The following EIF2S3 variants were observed in gnomAD, a reference collection of about 807,000 sequenced individuals.
The protein encoded by EIF2S3 is eukaryotic translation initiation factor 2 subunit 3.
EIF2S3 carries 2 observed loss-of-function variants against 31.7 expected under a neutral mutation model. That is an observed-to-expected ratio of 0.06 (90% CI 0.03 to 0.20). The LOEUF (loss-of-function observed/expected upper bound fraction) is 0.20. Among genes scored for constraint, EIF2S3 ranks in the 10% least tolerant of loss-of-function variants. The pLI is 1.00. For synonymous variants in EIF2S3, 120 were observed against 126.7 expected, an observed-to-expected ratio of 0.95 and a Z score of 0.36; for missense variants, 96 against 359.3, an observed-to-expected ratio of 0.27 and a Z score of 5.92.
intron 6 of EIF2S3, among the ~76,000 whole-genome samples, chrX:24,063,799 G>A (rs900706144): frequency 2.7e-5 from 3 of 111,539 alleles, no homozygotes; most frequent in African/African-American, 9.8e-5. Flanking sequence ...ATATATGCCA[G>A]CAGTCTTTGA....
chrX:24,068,742 G>A (rs900199924), intron 9 of EIF2S3, among the ~76,000 whole-genome samples: 3 of 111,568 alleles, frequency 2.7e-5, no homozygotes, highest in African/African-American at 6.5e-5. Flanking sequence ...CACCATGCCC[G>A]GCCATGGTTG....
chrX:24,078,780 A>C lies in EIF2S3; in HGVS notation c.*1995A>C, dbSNP rs2147133594. On this transcript the variant is annotated 3_prime_UTR_variant, in exon 12 of 12. Transcript: ENST00000253039. ...TGAAGGTTGTGTTGTAGCATGAGGA[A>C]CACAAATAAAACAATTCTAAATCAA... Among the ~76,000 whole-genome samples, 1 of 112,201 alleles carries C rather than the reference A, an allele frequency of 8.9e-6. No individual in the cohort carries two copies. The highest frequency in any genetic ancestry group is 3.7e-4 in the South Asian group (1 of 2,728).
intron 4 of EIF2S3, among the ~76,000 whole-genome samples, chrX:24,059,037 T>C (rs911196766): frequency 8.9e-6 from 1 of 112,420 alleles, no homozygotes; most frequent in Non-Finnish European, 1.9e-5. Context: ...TTTCCTTGAT[T>C]ACTGAGTTTT....
At chrX:24,076,202 A>G (rs757669824) in intron 11 of EIF2S3, among the ~76,000 whole-genome samples, 2 of 111,946 alleles carry the variant, frequency 1.8e-5, no homozygotes, top group Non-Finnish European at 3.8e-5. Flanking sequence ...TATTACAGAC[A>G]CACGACTTCC....
intron 7 of EIF2S3, 95 bp downstream of exon 7, chrX:24,064,430 A>T (rs1930540157): frequency 2.4e-5 from 24 of 1,020,459 alleles, no homozygotes; most frequent in Non-Finnish European, 3.0e-5. Flanking sequence ...CTCTTTCTGC[A>T]GAGGTGATAA....
At chrX:24,062,660 A>G in intron 6 of EIF2S3, 86 bp downstream of exon 6, 3 of 1,032,732 alleles carry the variant, frequency 2.9e-6, no homozygotes, top group Middle Eastern at 2.7e-4. Context: ...AACTTTTAAT[A>G]TATTATCTAA....
intron 11 of EIF2S3, among the ~76,000 whole-genome samples, chrX:24,076,055 A>T (rs1280497040): frequency 9.0e-6 from 1 of 111,462 alleles, no homozygotes; most frequent in Non-Finnish European, 1.9e-5. Flanking sequence ...TGGTCTCATC[A>T]CTTGTCCAGG....
At chrX:24,062,611 C>G (rs368462530) in intron 6 of EIF2S3, 37 bp downstream of exon 6, 2 of 1,167,193 alleles carry the variant, frequency 1.7e-6, no homozygotes, top group Non-Finnish European at 2.3e-6. Context: ...CTATGAATCA[C>G]TTTGAGAGGC....
chrX:24,072,699 A>G (rs1197897706), intron 10 of EIF2S3, among the ~76,000 whole-genome samples: 1 of 111,363 alleles, frequency 9.0e-6, no homozygotes, highest in Non-Finnish European at 1.9e-5. Flanking sequence ...CCCCCCACTC[A>G]GGTGATCTGC....
intron 4 of EIF2S3, among the ~76,000 whole-genome samples, chrX:24,059,041 G>C (rs1351557551): frequency 8.9e-6 from 1 of 112,082 alleles, no homozygotes; most frequent in Non-Finnish European, 1.9e-5. Flanking sequence ...CTTGATTACT[G>C]AGTTTTTTGG....
intron 4 of EIF2S3, 59 bp downstream of exon 4, chrX:24,057,813 C>T (rs750096753): frequency 3.4e-4 from 378 of 1,127,848 alleles, no homozygotes; most frequent in Non-Finnish European, 4.1e-4. Flanking sequence ...CTGTTTTGTG[C>T]TTTTTGAAAT....
At chrX:24,059,881 G>T (rs1428070450) in intron 4 of EIF2S3, among the ~76,000 whole-genome samples, 1 of 111,676 alleles carries the variant, frequency 9.0e-6, no homozygotes, top group East Asian at 2.8e-4. Context: ...CTTCCATTCT[G>T]CACATAACTA....
intron 5 of EIF2S3, among the ~76,000 whole-genome samples, chrX:24,061,518 C>T (rs1178101759): frequency 2.7e-5 from 3 of 109,356 alleles, no homozygotes; most frequent in African/African-American, 1.0e-4. Flanking sequence ...GAGGTGACGC[C>T]ACTGCACTCC....
At position 24,078,705 on chromosome X, in the gene EIF2S3, TA is replaced by T. The variant is rs763524866; in HGVS notation, c.*1923del. Among the ~76,000 whole-genome samples, 34 of 112,248 alleles carry T rather than the reference TA, an allele frequency of 3.0e-4. No homozygotes were observed. Among genetic ancestry groups the T allele is most frequent in the Admixed American group, 2.5e-3 (26 of 10,470 alleles). On this transcript the variant is annotated 3_prime_UTR_variant, in exon 12 of 12. Coordinates refer to ENST00000253039, the MANE Select transcript of EIF2S3 (RefSeq NM_001415.4). ...TTAGAAGCTCTGGCTATGGGTTGCCTAAATTGATGTTTTGAGGAAGCATATT... is the reference window on the plus strand; with the variant it reads ...TTAGAAGCTCTGGCTATGGGTTGCCTAATTGATGTTTTGAGGAAGCATATT...
intron 9 of EIF2S3, among the ~76,000 whole-genome samples, chrX:24,070,063 A>G (rs1396125756): frequency 9.1e-6 from 1 of 109,959 alleles, no homozygotes; most frequent in African/African-American, 3.3e-5. Context: ...AGCTTCAGCA[A>G]TTATTAATGT....
chrX:24,066,231 ATTTGATGTAGAGTTCTC>A (rs1930571202), intron 8 of EIF2S3, 139 bp downstream of exon 8: 8 of 413,257 alleles, frequency 1.9e-5, no homozygotes, highest in Non-Finnish European at 2.8e-5. Context: ...GGTTTCTGGT[ATTTGATGTAGAGTTCTC>A]TTTTTTAATA....
chrX:24,066,922 C>T (rs913665028), intron 8 of EIF2S3, among the ~76,000 whole-genome samples: 70 of 112,194 alleles, frequency 6.2e-4, no homozygotes, highest in African/African-American at 2.2e-3. Context: ...GCAGATACCT[C>T]TTTGATAATA....
chrX:24,064,421 T>G (rs916465329), intron 7 of EIF2S3, 86 bp downstream of exon 7: 4 of 1,042,306 alleles, frequency 3.8e-6, no homozygotes, highest in Middle Eastern at 2.7e-4. Flanking sequence ...TAATATTTCC[T>G]CTTTCTGCAG....
At chrX:24,060,002 A>G (rs1343752939) in intron 4 of EIF2S3, 86 bp from the exon 5 acceptor site, 1 of 693,963 alleles carries the variant, frequency 1.4e-6, no homozygotes, top group African/African-American at 2.2e-5. Flanking sequence ...ATTATTTCCT[A>G]AGTTGATTTA....
Sources: gnomAD v4.1 joint callset for allele counts (sites outside exome capture counted in the v4.1 genomes callset) on GRCh38, gnomAD v4.1.1 for gene constraint, MANE v1.5 for transcripts, NCBI Gene and HGNC (gene_info 2026-07-23, HGNC 2026-07-21) for gene names.